The following CCDC150 variants were observed in gnomAD, a reference collection of about 807,000 sequenced individuals.
The protein encoded by CCDC150 is coiled-coil domain containing 150, also known as coiled-coil domain-containing protein 150.
Under a neutral mutation model 156.5 loss-of-function variants are expected in CCDC150, and 151 were observed. That is an observed-to-expected ratio of 0.97 (90% CI 0.85 to 1.10). The LOEUF (loss-of-function observed/expected upper bound fraction) is 1.10, where lower values mean the gene tolerates loss of function less well. Ranked by LOEUF, CCDC150 falls within the 50% of genes least tolerant of loss-of-function variation. The probability of loss-of-function intolerance (pLI) is 0.00; values close to 1 mark genes in which losing one functional copy is unlikely to be tolerated. For missense variants in CCDC150, 1,312 were observed against 1,268.1 expected, an observed-to-expected ratio of 1.03 and a Z score of -0.53; for synonymous variants, 452 against 429.4, an observed-to-expected ratio of 1.05 and a Z score of -0.65.
At chr2:196,709,322 C>T (rs1488180578) in intron 15 of CCDC150, among the ~76,000 whole-genome samples, 2 of 152,136 alleles carry the variant, frequency 1.3e-5, no homozygotes, top group Non-Finnish European at 2.9e-5. Flanking sequence ...GTATGCATCA[C>T]GTAGTTCTCG....
chr2:196,676,075 A>C, intron 10 of CCDC150, 68 bp from the exon 11 acceptor site: 1 of 1,470,266 alleles, frequency 6.8e-7, no homozygotes, highest in South Asian at 1.2e-5. Flanking sequence ...TTGATCAGTT[A>C]CTCCAAATGA....
chr2:196,729,120 A>G, intron 22 of CCDC150, 73 bp from the exon 23 acceptor site: 1 of 1,304,980 alleles, frequency 7.7e-7, no homozygotes, highest in South Asian at 1.5e-5. Flanking sequence ...ATGATAAAAT[A>G]TAAGGACAAA....
intron 2 of CCDC150, among the ~76,000 whole-genome samples, chr2:196,649,164 A>G (rs960832425): frequency 4.6e-5 from 7 of 152,142 alleles, no homozygotes; most frequent in African/African-American, 1.7e-4. Flanking sequence ...TTCTATTTCT[A>G]TGAAGAATGA....
intron 15 of CCDC150, among the ~76,000 whole-genome samples, chr2:196,711,878 C>T (rs1475577015): frequency 6.6e-6 from 1 of 151,994 alleles, no homozygotes; most frequent in African/African-American, 2.4e-5. Flanking sequence ...ATTCATGAGT[C>T]ATGTCCATTT....
intron 22 of CCDC150, chr2:196,726,853 A>C (rs1278775063): frequency 1.3e-5 from 2 of 152,212 alleles, no homozygotes; most frequent in Non-Finnish European, 2.9e-5. Flanking sequence ...GGCCTTAGTT[A>C]TAGAAATGTT....
At chr2:196,696,574 A>G (rs912016302) in intron 14 of CCDC150, among the ~76,000 whole-genome samples, 12 of 152,150 alleles carry the variant, frequency 7.9e-5, no homozygotes, top group Admixed American at 5.9e-4. Context: ...TTGCCTGCCT[A>G]CCATGTCTTG....
rs765966998 is a variant in CCDC150, at chr2:196,665,663, G to A, written c.742G>A (p.Val248Met). ...LLKIQEMGST[V>M]EVERKQVHIL... ...CAAAATACAAGAAATGGGATCAACA[G>A]TGGAGGTAGAACGAAAACAGGTAGA... is the stretch of plus-strand genomic sequence containing the variant. The change falls in exon 6 of 28, where the codon GTG becomes ATG. Residue 248 changes from valine to methionine, a missense_variant. By Grantham distance (21) the Val-to-Met change is conservative. Transcript: ENST00000389175. 12 of 1,596,228 alleles carry A rather than the reference G, an allele frequency of 7.5e-6. No homozygotes were observed. The highest frequency in any genetic ancestry group is 1.3e-5 in the African/African-American group (1 of 74,566).
Position 196,657,022 on chromosome 2 carries a change from T to G in CCDC150, c.462T>G (p.His154Gln). The G allele has an allele frequency of 1.9e-6, 3 of 1,613,658 alleles. No individual in the cohort carries two copies. The highest frequency in any genetic ancestry group is 2.5e-6 in the Non-Finnish European group (3 of 1,179,756). Residue 154 changes from histidine (H) to glutamine (Q), a missense_variant, in exon 4 of 28, where the codon CAT becomes CAG. Physicochemically the swap from His to Gln is conservative, Grantham distance 24. Coordinates refer to ENST00000389175, the MANE Select transcript of CCDC150 (RefSeq NM_001080539.2). ...ATTCTAAGGACCTGAAGCTGTTGCA[T>G]CTCGAAGTTATGAATTTGCGCCAGC... The part of the protein sequence containing the change: ...EEHSKDLKLL[H>Q]LEVMNLRQQL...
At chr2:196,701,074 C>G in intron 14 of CCDC150, 35 bp from the exon 15 acceptor site, 1 of 1,406,490 alleles carries the variant, frequency 7.1e-7, no homozygotes, top group Non-Finnish European at 9.9e-7. Flanking sequence ...CCTTTCTATG[C>G]CTAGAGGTTC....
At chr2:196,715,318 A>G (rs748490472) in intron 17 of CCDC150, among the ~76,000 whole-genome samples, 1 of 152,150 alleles carries the variant, frequency 6.6e-6, no homozygotes, top group Non-Finnish European at 1.5e-5. Flanking sequence ...TTCAAGATAT[A>G]TATATATTAT....
intron 23 of CCDC150, 42 bp downstream of exon 23, chr2:196,729,429 A>G (rs541904144): frequency 1.1e-5 from 17 of 1,581,458 alleles, no homozygotes; most frequent in Non-Finnish European, 1.5e-5. Flanking sequence ...ATACCCTGTG[A>G]GGATGTAGTC....
intron 13 of CCDC150, among the ~76,000 whole-genome samples, chr2:196,691,083 A>G (rs2125644147): frequency 6.6e-6 from 1 of 152,038 alleles, no homozygotes; most frequent in East Asian, 1.9e-4. Context: ...AAGCTTTTCG[A>G]TATGCTGCTG....
intron 1 of CCDC150, among the ~76,000 whole-genome samples, chr2:196,639,988 T>C (rs1011565394): frequency 6.6e-6 from 1 of 152,212 alleles, no homozygotes; most frequent in Non-Finnish European, 1.5e-5. Flanking sequence ...TTGGCCTGGC[T>C]CCAGCTGAGG....
Position 196,719,558 on chromosome 2 carries a change from T to C in CCDC150, c.2057T>C (p.Met686Thr), listed in dbSNP as rs1177841802. The C allele has an allele frequency of 6.2e-7, 1 of 1,613,016 alleles. No homozygotes were observed. The highest frequency in any genetic ancestry group is 1.1e-5 in the South Asian group (1 of 90,868). The change falls in exon 19 of 28, where the codon ATG becomes ACG. Residue 686 changes from methionine (M) to threonine (T), a missense_variant. Coordinates refer to ENST00000389175, the MANE Select transcript of CCDC150 (RefSeq NM_001080539.2). ...AKEDNCKVTIMLENVLASHSK... is the reference protein window; with the variant it reads ...AKEDNCKVTITLENVLASHSK... ...GAAGACAACTGCAAAGTCACAATCA[T>C]GTTGGAGAATGTGCTGGCTTCTCAC... is the stretch of plus-strand genomic sequence containing the variant.
chr2:196,639,811 T>C (rs773479843), intron 1 of CCDC150, 33 bp downstream of exon 1: 2 of 1,564,926 alleles, frequency 1.3e-6, no homozygotes, highest in Non-Finnish European at 1.7e-6. Flanking sequence ...TGGTGAGGGG[T>C]GGTCGGAGGC....
rs138661976 is a variant in CCDC150, at chr2:196,729,698, C to G, written c.2752-95C>G. 1.0e-3 allele frequency: 879 copies of G among 847,374 alleles called. 8 individuals carry two copies. Among genetic ancestry groups the G allele is most frequent in the East Asian group, 5.4e-3 (205 of 37,926 alleles). 52.5% of individuals were successfully genotyped at this position (847,374 alleles called of 1,614,324 possible). ...TCAGCAGGAACTGGTAACTTTGGGT[C>G]TCATATTGGATTCTTTCTGTCATCC... On this transcript the variant is annotated intron_variant, in intron 23 of 27. Coordinates refer to ENST00000389175, the MANE Select transcript of CCDC150 (RefSeq NM_001080539.2).
Position 196,648,374 on chromosome 2 carries a change from C to T in CCDC150, c.176+1870C>T, listed in dbSNP as rs1450326976. Reference sequence around the variant, plus strand: ...CTCACCGTGGTTTTAATTTGTATTTCCCTGATGATTTGTGATGTTGAGTAT... The same window carrying T: ...CTCACCGTGGTTTTAATTTGTATTTTCCTGATGATTTGTGATGTTGAGTAT... On this transcript the variant is annotated intron_variant, in intron 2 of 27. Coordinates refer to ENST00000389175, the MANE Select transcript of CCDC150 (RefSeq NM_001080539.2). Among the ~76,000 whole-genome samples the T allele has an allele frequency of 2.6e-5, 4 of 151,944 alleles. No individual in the cohort carries two copies. In the South Asian group the frequency reaches 6.2e-4, roughly 24 times the overall value.
At chr2:196,730,369 G>A (rs1313861700) in intron 25 of CCDC150, among the ~76,000 whole-genome samples, 1 of 152,200 alleles carries the variant, frequency 6.6e-6, no homozygotes, top group Admixed American at 6.5e-5. Flanking sequence ...GCTTACATAT[G>A]CAAAGTATCA....
intron 5 of CCDC150, among the ~76,000 whole-genome samples, chr2:196,659,645 G>A (rs981128447): frequency 1.3e-5 from 2 of 152,080 alleles, no homozygotes; most frequent in African/African-American, 4.8e-5. Flanking sequence ...TAGTTAGAAT[G>A]TATTCAGTTT....
Sources: allele counts gnomAD v4.1 joint callset (sites outside exome capture counted in the v4.1 genomes callset), GRCh38; gene constraint gnomAD v4.1.1; transcripts MANE v1.5; gene names NCBI Gene and HGNC (gene_info 2026-07-23, HGNC 2026-07-21).